SACM1L: variants seen among roughly 807,000 people sequenced by gnomAD.
SACM1L encodes phosphatidylinositol-3-phosphatase SAC1.
A neutral mutation model predicts 89.5 loss-of-function variants in SACM1L; 32 were observed. That is an observed-to-expected ratio of 0.36 (90% confidence interval 0.27 to 0.48). The LOEUF (loss-of-function observed/expected upper bound fraction) is 0.48. Among genes scored for constraint, SACM1L ranks in the 20% least tolerant of loss-of-function variants. The pLI is 0.99. For missense variants in SACM1L, 543 were observed against 708.5 expected (o/e 0.77, Z 2.65); for synonymous variants, 213 against 232.8 (o/e 0.92, Z 0.77).
chr3:45,697,279 T>C (rs1201987012), intron 1 of SACM1L, among the ~76,000 whole-genome samples: 6 of 128,988 alleles, frequency 4.7e-5, no homozygotes, highest in Non-Finnish European at 9.2e-5. Context: ...CTTTTTTTTT[T>C]TTTTTTTTTT....
chr3:45,726,256 T>C (rs537958899), intron 11 of SACM1L, among the ~76,000 whole-genome samples: 5 of 152,158 alleles, frequency 3.3e-5, no homozygotes, highest in Non-Finnish European at 7.4e-5. Flanking sequence ...TGGTAGAGTT[T>C]GAGGAAGACT....
In SACM1L at chr3:45,713,215, A is replaced by T; in HGVS notation, c.543+19A>T. ...GCCAGAGGTAATGTACACGAAATAA[A>T]ATCTGCTTAATTGTTACAGTCCAAG... On this transcript the variant is annotated intron_variant, in intron 6 of 19. Coordinates refer to ENST00000389061, the MANE Select transcript of SACM1L (RefSeq NM_014016.5). 6.3e-7 allele frequency: 1 copy of T among 1,591,970 alleles called. No homozygotes were observed. Among genetic ancestry groups the T allele is most frequent in the Non-Finnish European group, 8.6e-7 (1 of 1,165,712 alleles).
intron 7 of SACM1L, among the ~76,000 whole-genome samples, chr3:45,716,152 G>A (rs1013602433): frequency 3.3e-5 from 5 of 152,160 alleles, no homozygotes. Flanking sequence ...GGCCTTATAA[G>A]CCATGGGAAG....
At chr3:45,739,565 C>G (rs189930335) in intron 18 of SACM1L, 22 bp from the exon 19 acceptor site, 2 of 1,611,660 alleles carry the variant, frequency 1.2e-6, no homozygotes, top group Admixed American at 3.3e-5. Context: ...AAATGATGAT[C>G]TCTTTCTATT....
At chr3:45,712,291 C>G (rs1409316777) in intron 5 of SACM1L, among the ~76,000 whole-genome samples, 2 of 152,192 alleles carry the variant, frequency 1.3e-5, no homozygotes, top group Non-Finnish European at 2.9e-5. Context: ...GTCACCTATC[C>G]TGGAGTGCAG....
rs549456010 is a variant in SACM1L, at chr3:45,690,709, A to G, written c.32+1212A>G. Among the ~76,000 whole-genome samples the G allele has an allele frequency of 1.2e-3, 163 of 132,948 alleles. 1 individual carries two copies. Among genetic ancestry groups the G allele is most frequent in the African/African-American group, 4.2e-3 (150 of 35,898 alleles). 87.2% of individuals were successfully genotyped at this position (132,948 alleles called of 152,430 possible). On this transcript the variant is annotated intron_variant, in intron 1 of 19. Coordinates refer to ENST00000389061, the MANE Select transcript of SACM1L (RefSeq NM_014016.5). ...AATGTTCTTTGAAAACCCTAGCTGC[A>G]CACTTCCCTCCACATTTTCCTCTCC...
intron 1 of SACM1L, among the ~76,000 whole-genome samples, chr3:45,701,636 A>T (rs745890864): frequency 6.6e-6 from 1 of 152,184 alleles, no homozygotes; most frequent in African/African-American, 2.4e-5. Flanking sequence ...CATACAATAA[A>T]CTACACACAT....
chr3:45,703,335 GA>G, intron 1 of SACM1L, 102 bp from the exon 2 acceptor site: 1 of 750,230 alleles, frequency 1.3e-6, no homozygotes, highest in Non-Finnish European at 2.3e-6. Context: ...TAGAAGCTGG[GA>G]AAATGATGTC....
intron 14 of SACM1L, among the ~76,000 whole-genome samples, chr3:45,736,622 G>C (rs573200008): frequency 2.6e-5 from 4 of 152,190 alleles, no homozygotes; most frequent in Non-Finnish European, 5.9e-5. Context: ...TCTGTTGGAA[G>C]GTCTTCTAAG....
chr3:45,693,371 T>C (rs997008673), intron 1 of SACM1L, among the ~76,000 whole-genome samples: 8 of 152,180 alleles, frequency 5.3e-5, no homozygotes, highest in Admixed American at 2.0e-4. Context: ...ACTGAGTAAA[T>C]GAAAGGAACT....
chr3:45,710,500 CTTTTT>C (rs11413682), intron 5 of SACM1L, among the ~76,000 whole-genome samples: 2 of 134,142 alleles, frequency 1.5e-5, no homozygotes, highest in African/African-American at 2.8e-5. Context: ...CCCAGTCTGC[CTTTTT>C]TTTTTTTTTT....
rs368564849 is a variant in SACM1L at position 45,705,217 on chromosome 3, A to T, written c.205+8A>T. On this transcript the variant is annotated splice_region_variant and intron_variant, in intron 3 of 19. Transcript: ENST00000389061. ...CAATCCATCTGGTGGCAGGTAAGAG[A>T]AAATAAGCTAAGATGGGCAAAGAAG... is the stretch of plus-strand genomic sequence containing the variant. 2 of 1,576,964 alleles carry T rather than the reference A, an allele frequency of 1.3e-6. No individual in the cohort carries two copies. The highest frequency in any genetic ancestry group is 2.7e-5 in the African/African-American group (2 of 74,098).
Position 45,706,797 on chromosome 3 carries a change from A to C in SACM1L, c.223A>C (p.Ile75Leu), listed in dbSNP as rs770043196. Residue 75 changes from isoleucine to leucine, a missense_variant, in exon 4 of 20, where the codon ATT becomes CTT. By Grantham distance (5) the Ile-to-Leu change is conservative. Around this residue, in one of 2 missense-constraint regions of SACM1L, gnomAD observed 173 missense variants for 180.9 expected, o/e 0.96. Transcript: ENST00000389061. ...HLVAGNYLIVITKKIKVGEFF... is the reference protein window; with the variant it reads ...HLVAGNYLIVLTKKIKVGEFF... ...TTTTGCAGGTAATTATCTTATAGTC[A>C]TTACCAAAAAGATAAAAGTAGGTGA... is the stretch of plus-strand genomic sequence containing the variant. 6.2e-7 allele frequency: 1 copy of C among 1,610,128 alleles called. No homozygotes were observed. The highest frequency in any genetic ancestry group is 1.1e-5 in the South Asian group (1 of 90,538).
intron 1 of SACM1L, chr3:45,690,207 G>A (rs994956264): frequency 1.3e-5 from 2 of 152,200 alleles, no homozygotes; most frequent in African/African-American, 4.8e-5. Flanking sequence ...TATAAAATAG[G>A]TGTTTTTAAG....
chr3:45,707,445 C>G (rs1187123968), intron 4 of SACM1L: 2 of 152,180 alleles, frequency 1.3e-5, no homozygotes, highest in East Asian at 3.8e-4. Context: ...ATTTCAGTTA[C>G]TCCAGTTTAT....
At chr3:45,712,296 G>A (rs1698548154) in intron 5 of SACM1L, among the ~76,000 whole-genome samples, 1 of 152,130 alleles carries the variant, frequency 6.6e-6, no homozygotes, top group Non-Finnish European at 1.5e-5. Flanking sequence ...CTATCCTGGA[G>A]TGCAGTGGCA....
At chr3:45,724,014 A>G (rs1156722053) in intron 11 of SACM1L, among the ~76,000 whole-genome samples, 2 of 151,846 alleles carry the variant, frequency 1.3e-5, no homozygotes, top group Admixed American at 6.6e-5. Flanking sequence ...TTGTTTATCC[A>G]TTAATCTATT....
At chr3:45,736,653 A>G (rs1339205351) in intron 14 of SACM1L, among the ~76,000 whole-genome samples, 1 of 152,210 alleles carries the variant, frequency 6.6e-6, no homozygotes, top group African/African-American at 2.4e-5. Flanking sequence ...AATAGAAACA[A>G]TATTAGGAAT....
chr3:45,743,465 A>T, intron 19 of SACM1L, 68 bp from the exon 20 acceptor site: 1 of 1,491,766 alleles, frequency 6.7e-7, no homozygotes, highest in South Asian at 1.3e-5. Flanking sequence ...AAATGTGCTA[A>T]ACAGCTGAAA....
Sources: allele counts gnomAD v4.1 joint callset (sites outside exome capture counted in the v4.1 genomes callset), GRCh38; gene constraint gnomAD v4.1.1; regional missense constraint gnomAD v4.1.1; transcripts MANE v1.5; gene names NCBI Gene and HGNC (gene_info 2026-07-23, HGNC 2026-07-21).